The following FAM53A variants were observed in gnomAD, a reference collection of about 807,000 sequenced individuals.
The protein encoded by FAM53A is protein FAM53A.
Under a neutral mutation model 26.6 loss-of-function variants are expected in FAM53A, and 28 were observed. The observed-to-expected ratio is 1.05, with a 90% CI of 0.78 to 1.45. The LOEUF (loss-of-function observed/expected upper bound fraction) is 1.45. FAM53A is among the 40% of genes most tolerant of loss of function. The probability of loss-of-function intolerance (pLI) is 0.00; values close to 1 mark genes in which losing one functional copy is unlikely to be tolerated. For synonymous variants in FAM53A, 290 were observed against 253.1 expected (o/e 1.15, Z -1.38); for missense variants, 650 against 575.8 (o/e 1.13, Z -1.32).
chr4:1,660,716 A>C (rs1239844880), intron 2 of FAM53A, among the ~76,000 whole-genome samples: 2 of 151,926 alleles, frequency 1.3e-5, no homozygotes. Flanking sequence ...GTGAAACCCC[A>C]TCTCTACTAA....
chr4:1,663,636 G>GTAC (rs1714014696), intron 2 of FAM53A, among the ~76,000 whole-genome samples: 1 of 152,108 alleles, frequency 6.6e-6, no homozygotes, highest in Non-Finnish European at 1.5e-5. Flanking sequence ...CACTAGAAGT[G>GTAC]TTTCTGGTAC....
chr4:1,626,752 T>G (rs1358779216), intron 1 of FAM53A, among the ~76,000 whole-genome samples: 1 of 151,486 alleles, frequency 6.6e-6, no homozygotes, highest in African/African-American at 2.4e-5. Flanking sequence ...CAGTGTAGAC[T>G]CTCAGCTACA....
downstream of FAM53A, among the ~76,000 whole-genome samples, chr4:1,613,354 G>C (rs987249303): frequency 1.3e-5 from 2 of 152,220 alleles, no homozygotes; most frequent in African/African-American, 4.8e-5. Flanking sequence ...GAGCAGAAGT[G>C]AGTGGGCCCA....
At chr4:1,620,711 C>A (rs1342869154) in intron 1 of FAM53A, among the ~76,000 whole-genome samples, 1 of 151,480 alleles carries the variant, frequency 6.6e-6, no homozygotes, top group Non-Finnish European at 1.5e-5. Context: ...ACCACCACCA[C>A]CACCACCACC....
the FAM53A span, among the ~76,000 whole-genome samples, chr4:1,602,937 C>T: frequency 1.9e-4 from 29 of 152,210 alleles, no homozygotes; most frequent in African/African-American, 6.0e-4. Flanking sequence ...AGGCCAGCCA[C>T]GGCACTCGGG....
At chr4:1,625,871 C>T (rs1036474231) in intron 1 of FAM53A, among the ~76,000 whole-genome samples, 1 of 152,220 alleles carries the variant, frequency 6.6e-6, no homozygotes, top group East Asian at 1.9e-4. Flanking sequence ...CCCTGGCCAG[C>T]ACAGGTCATG....
chr4:1,648,538 G>A (rs1349622067), intron 4 of FAM53A, among the ~76,000 whole-genome samples: 1 of 152,146 alleles, frequency 6.6e-6, no homozygotes, highest in African/African-American at 2.4e-5. Flanking sequence ...GACACTGCCT[G>A]TCTCCTCAGG....
intron 4 of FAM53A, among the ~76,000 whole-genome samples, chr4:1,650,875 GAC>G (rs1380362583): frequency 1.3e-5 from 2 of 151,906 alleles, no homozygotes; most frequent in Non-Finnish European, 2.9e-5. Flanking sequence ...AGAGGACTAG[GAC>G]AGTGCTCACG....
rs1715547701 is a variant in FAM53A at position 1,630,147 on chromosome 4, C to G, written c.432-12036G>C. 6.6e-6 allele frequency among the ~76,000 whole-genome samples: 1 copy of G among 152,212 alleles called. No individual in the cohort carries two copies. Among genetic ancestry groups the G allele is most frequent in the Admixed American group, 6.5e-5 (1 of 15,284 alleles). ...TATGAGTCCTGGACAAGGGGACCAA[C>G]TCCTCACACACAGGGGTAGGTCATC... On this transcript the variant is annotated intron_variant, in intron 1 of 1. Transcript: ENST00000489029. This position sits in a 1 kb window ranked among gnomAD's most constrained non-coding sequence, Gnocchi z 4.3.
the FAM53A span, among the ~76,000 whole-genome samples, chr4:1,604,978 G>A: frequency 6.6e-6 from 1 of 151,848 alleles, no homozygotes; most frequent in Non-Finnish European, 1.5e-5. Context: ...CACATCTCCT[G>A]CTTGGCAGGA....
chr4:1,575,009 C>A, the FAM53A span, among the ~76,000 whole-genome samples: 1 of 152,242 alleles, frequency 6.6e-6, no homozygotes, highest in Non-Finnish European at 1.5e-5. Flanking sequence ...GCAACCTGCA[C>A]ATCTAAAGGC....
At chr4:1,627,918 C>G (rs528041031) in intron 1 of FAM53A, among the ~76,000 whole-genome samples, 60 of 151,624 alleles carry the variant, frequency 4.0e-4, no homozygotes, top group African/African-American at 1.4e-3. Flanking sequence ...CTGATGCCCG[C>G]AGGCAAGTCC....
intron 1 of FAM53A, among the ~76,000 whole-genome samples, chr4:1,674,010 G>T (rs903675255): frequency 6.6e-6 from 1 of 152,264 alleles, no homozygotes; most frequent in Non-Finnish European, 1.5e-5. Flanking sequence ...CGACACGTGT[G>T]TTGGCTTCCA....
chr4:1,629,378 C>T (rs895593703), intron 1 of FAM53A, among the ~76,000 whole-genome samples: 4 of 152,216 alleles, frequency 2.6e-5, no homozygotes, highest in African/African-American at 7.2e-5. Flanking sequence ...CAGCTGGGCC[C>T]GCCAGGGAAA....
chr4:1,650,378 G>A (rs1477711516), intron 4 of FAM53A, among the ~76,000 whole-genome samples: 1 of 83,998 alleles, frequency 1.2e-5, no homozygotes. Flanking sequence ...TGGCACAGGT[G>A]TGGTGTTTGT....
In FAM53A at chr4:1,640,643, C is replaced by T. The variant is rs905351334; in HGVS notation, c.*650G>A. ...CTACTCTGTGCCCCAGGGCAGGTGC[C>T]GGCAGCAGCCATGGCCCCGACCAGC... On this transcript the variant is annotated 3_prime_UTR_variant, in exon 5 of 5. Transcript: ENST00000308132. The T allele has an allele frequency of 2.3e-4, 82 of 362,494 alleles. 1 individual carries two copies. Among genetic ancestry groups the T allele is most frequent in the African/African-American group, 1.7e-3 (72 of 42,542 alleles). The allele number at this position is 362,494 out of a possible 1,614,324, so 22.5% of individuals were successfully genotyped here.
In FAM53A at chr4:1,655,385, C is replaced by T. The variant is rs1713261540; in HGVS notation, c.475G>A (p.Ala159Thr). 1.4e-6 allele frequency: 2 copies of T among 1,449,766 alleles called. No homozygotes were observed. The highest frequency in any genetic ancestry group is 1.8e-6 in the Non-Finnish European group (2 of 1,101,780). The allele number at this position is 1,449,766 out of a possible 1,614,324, so 89.8% of individuals were successfully genotyped here. The change falls in exon 4 of 5, where the codon GCC becomes ACC. Residue 159 changes from alanine to threonine, a missense_variant. Transcript: ENST00000308132. ...SKRRCDSGGS[A>T]TRQGSPGAVL... is the part of the protein sequence containing the mutation. ...GCGCCGGGGCTTCCCTGCCGCGTGG[C>T]ACTCCCGCCGCTGTCGCACCGCCTC...
chr4:1,642,985 A>G (rs1307424681), intron 4 of FAM53A, among the ~76,000 whole-genome samples: 1 of 152,208 alleles, frequency 6.6e-6, no homozygotes, highest in Non-Finnish European at 1.5e-5. Context: ...TATGACCTAG[A>G]GCACAAGCTC....
chr4:1,623,014 G>A (rs918569440), intron 1 of FAM53A, among the ~76,000 whole-genome samples: 2 of 152,234 alleles, frequency 1.3e-5, no homozygotes, highest in African/African-American at 2.4e-5. Flanking sequence ...ATGGGGAAAC[G>A]AAGGCACAGG....
Sources: allele counts gnomAD v4.1 joint callset (sites outside exome capture counted in the v4.1 genomes callset), GRCh38; gene constraint gnomAD v4.1.1; non-coding constraint Gnocchi (gnomAD v3.1); transcripts MANE v1.5; gene names NCBI Gene and HGNC (gene_info 2026-07-23, HGNC 2026-07-21).